The following PDIA6 variants were observed in gnomAD, a reference collection of about 807,000 sequenced individuals.
The protein encoded by PDIA6 is protein disulfide-isomerase A6.
A neutral mutation model predicts 58.4 loss-of-function variants in PDIA6; 29 were observed. The observed-to-expected ratio is 0.50, with a 90% CI of 0.37 to 0.68. PDIA6 has a LOEUF of 0.68. PDIA6 is among the 30% of genes least tolerant of loss of function. The pLI is 0.00. For missense variants in PDIA6, 480 were observed against 551.0 expected (o/e 0.87, Z 1.29); for synonymous variants, 192 against 202.6 (o/e 0.95, Z 0.44).
chr2:10,811,595 A>G (rs1572690710), intron 1 of PDIA6, among the ~76,000 whole-genome samples: 1 of 152,356 alleles, frequency 6.6e-6, no homozygotes, highest in East Asian at 1.9e-4. Context: ...TTGAAAAGGC[A>G]CTGGCACAGA....
chr2:10,830,193 C>A (rs1217514680), intron 1 of PDIA6, among the ~76,000 whole-genome samples: 1 of 152,200 alleles, frequency 6.6e-6, no homozygotes, highest in Non-Finnish European at 1.5e-5. Context: ...AGTGTGGGTG[C>A]GCAGCTTCAA....
chr2:10,817,313 C>T (rs2148572428), upstream of PDIA6, among the ~76,000 whole-genome samples: 1 of 152,294 alleles, frequency 6.6e-6, no homozygotes, highest in South Asian at 2.1e-4. Flanking sequence ...TACAACACGG[C>T]AGGTAGAACT....
intron 1 of PDIA6, chr2:10,810,386 G>A (rs576814629): frequency 3.4e-6 from 5 of 1,488,690 alleles, no homozygotes; most frequent in Admixed American, 2.2e-5. Flanking sequence ...CAGCAATAAC[G>A]TCAGTCCTCT....
chr2:10,803,911 G>GT lies in PDIA6; in HGVS notation c.20-1272dup, dbSNP rs754643092. Among the ~76,000 whole-genome samples the GT allele has an allele frequency of 9.1e-3, 1,076 of 117,872 alleles. 38 individuals are homozygous for GT. Among genetic ancestry groups the GT allele is most frequent in the Middle Eastern group, 0.022 (4 of 186 alleles). 77.3% of individuals were successfully genotyped at this position (117,872 alleles called of 152,430 possible). On this transcript the variant is annotated intron_variant, in intron 1 of 12. Transcript: ENST00000272227. ...TGCGTGTTTGTGTCCTAGTTTTTGT[G>GT]TTTTTTTTTTTTTTTGAGACAGAGT...
chr2:10,808,673 T>G (rs1023668620), intron 1 of PDIA6, among the ~76,000 whole-genome samples: 2 of 152,176 alleles, frequency 1.3e-5, no homozygotes, highest in African/African-American at 4.8e-5. Context: ...TGCCTGTGAA[T>G]GGATGCCAGG....
At chr2:10,800,792 G>A (rs777616835) in intron 2 of PDIA6, among the ~76,000 whole-genome samples, 10 of 152,000 alleles carry the variant, frequency 6.6e-5, no homozygotes, top group Non-Finnish European at 1.0e-4. Flanking sequence ...TTTTATTTTC[G>A]TAGCGATAGG....
chr2:10,822,579 T>C (rs1161013270), intron 1 of PDIA6, among the ~76,000 whole-genome samples: 1 of 152,222 alleles, frequency 6.6e-6, no homozygotes, highest in African/African-American at 2.4e-5. Context: ...TGATTTTTAA[T>C]GTAGCACTGC....
Position 10,789,850 on chromosome 2 carries a change from C to T in PDIA6, c.739G>A (p.Glu247Lys), listed in dbSNP as rs368209673. 4.8e-5 allele frequency: 77 copies of T among 1,613,412 alleles called. No individual in the cohort carries two copies. Among genetic ancestry groups the T allele is most frequent in the South Asian group, 9.9e-5 (9 of 91,052 alleles). Residue 247 changes from glutamate (E) to lysine (K), a missense_variant, in exon 8 of 13, where the codon GAG becomes AAG. Glu to Lys is a moderately conservative substitution (Grantham distance 56). Coordinates refer to ENST00000272227, the MANE Select transcript of PDIA6 (RefSeq NM_005742.4). ...FPTIKIFQKG[E>K]SPVDYDGGRT... ...CCACCGTCATAATCCACAGGAGACT[C>T]GCCTTTCTGAAATATCTTGATTGTA...
intron 2 of PDIA6, among the ~76,000 whole-genome samples, chr2:10,799,324 C>G (rs1362780379): frequency 2.0e-5 from 3 of 152,166 alleles, no homozygotes; most frequent in African/African-American, 7.2e-5. Context: ...ACCAAATGCA[C>G]AAATGCTAGG....
chr2:10,802,532 T>C lies in PDIA6; in HGVS notation c.128A>G (p.Asp43Gly), dbSNP rs146733816. The change falls in exon 2 of 13, where the codon GAT (aspartate) becomes GGT (glycine). Residue 43 changes from aspartate (D) to glycine (G), a missense_variant. Asp to Gly is a moderately conservative substitution (Grantham distance 94, BLOSUM62 -1). Coordinates refer to ENST00000272227, the MANE Select transcript of PDIA6 (RefSeq NM_005742.4). The part of the protein sequence containing the change: ...SNFNREVIQS[D>G]SLWLVEFYAP... ...ATAGAATTCTACAAGCCACAAACTATCACTCTGAATAACTTCTCGGTTGAA... is the reference window on the plus strand; with the variant it reads ...ATAGAATTCTACAAGCCACAAACTACCACTCTGAATAACTTCTCGGTTGAA... The C allele has an allele frequency of 1.7e-5, 25 of 1,464,270 alleles. No homozygotes were observed. In the African/African-American group the frequency reaches 3.0e-4, roughly 18 times the overall value. The allele number at this position is 1,464,270 out of a possible 1,614,324, so 90.7% of individuals were successfully genotyped here. A position where few individuals can be genotyped will look rare whatever the true frequency, so the allele number is the denominator to read the frequency against.
chr2:10,835,935 C>T (rs1483678506), upstream of PDIA6, among the ~76,000 whole-genome samples: 2 of 152,012 alleles, frequency 1.3e-5, no homozygotes, highest in Admixed American at 1.3e-4. Flanking sequence ...CCTGTAATCC[C>T]AGCTACTCGG....
At chr2:10,794,793 G>C (rs1173599960) in intron 4 of PDIA6, among the ~76,000 whole-genome samples, 1 of 151,916 alleles carries the variant, frequency 6.6e-6, no homozygotes, top group East Asian at 1.9e-4. Flanking sequence ...CGGGTGTAGT[G>C]GTGCATGTCT....
chr2:10,817,788 C>T (rs1001843714), intron 2 of PDIA6, among the ~76,000 whole-genome samples: 2 of 152,246 alleles, frequency 1.3e-5, no homozygotes, highest in Admixed American at 1.3e-4. Context: ...AAGATCAGTG[C>T]CACCCTCCAA....
intron 1 of PDIA6, among the ~76,000 whole-genome samples, chr2:10,804,405 C>T (rs1225545725): frequency 1.9e-5 from 2 of 107,628 alleles, no homozygotes; most frequent in African/African-American, 5.5e-5. Flanking sequence ...GGCAGTTTTC[C>T]CAGCACCATT....
intron 2 of PDIA6, among the ~76,000 whole-genome samples, chr2:10,818,169 T>C (rs1177817790): frequency 6.6e-6 from 1 of 151,426 alleles, no homozygotes; most frequent in Non-Finnish European, 1.5e-5. Context: ...ACTTTAACTT[T>C]TTTTTTTTTT....
At chr2:10,788,817 A>C (rs753645565) in intron 9 of PDIA6, 48 bp from the exon 10 acceptor site, 1 of 1,561,064 alleles carries the variant, frequency 6.4e-7, no homozygotes, top group Non-Finnish European at 8.8e-7. Context: ...AAAGGAGTCC[A>C]TAAAATTAAT....
intron 10 of PDIA6, among the ~76,000 whole-genome samples, 185 bp from the exon 11 acceptor site, chr2:10,787,624 T>C (rs1206202448): frequency 6.6e-6 from 1 of 152,204 alleles, no homozygotes; most frequent in Non-Finnish European, 1.5e-5. Flanking sequence ...TCATTTGGGT[T>C]ATTAAGCATG....
exon 1 of PDIA6, chr2:10,832,313 A>G (rs1198495878): frequency 1.5e-6 from 1 of 660,704 alleles, no homozygotes; most frequent in African/African-American, 2.0e-5. Context: ...GTGGAAGGAT[A>G]AATTGTGTTC....
At chr2:10,827,816 T>G (rs1667591145) in intron 1 of PDIA6, among the ~76,000 whole-genome samples, 1 of 126,074 alleles carries the variant, frequency 7.9e-6, no homozygotes, top group Non-Finnish European at 1.7e-5. Context: ...AGAGTACGAC[T>G]CTGTCTCAAA....
Sources: allele counts gnomAD v4.1 joint callset (sites outside exome capture counted in the v4.1 genomes callset), GRCh38; gene constraint gnomAD v4.1.1; transcripts MANE v1.5; gene names NCBI Gene and HGNC (gene_info 2026-07-23, HGNC 2026-07-21).